PTPRB: variants seen among roughly 807,000 people sequenced by gnomAD.
PTPRB encodes protein tyrosine phosphatase receptor type B.
PTPRB carries 97 observed loss-of-function variants against 238.1 expected under a neutral mutation model. That is an observed-to-expected ratio of 0.41 (90% CI 0.35 to 0.48). PTPRB has a LOEUF of 0.48. Ranked by LOEUF, PTPRB falls within the 20% of genes least tolerant of loss-of-function variation. PTPRB has a pLI of 0.30. For synonymous variants in PTPRB, 970 were observed against 995.4 expected, an observed-to-expected ratio of 0.97 and a Z score of 0.48; for missense variants, 2,292 against 2,681.9, an observed-to-expected ratio of 0.85 and a Z score of 3.21.
At chr12:70,554,418 C>T (rs1191067484) in intron 20 of PTPRB, among the ~76,000 whole-genome samples, 1 of 152,128 alleles carries the variant, frequency 6.6e-6, no homozygotes, top group Admixed American at 6.6e-5. Flanking sequence ...ACCTCAATGG[C>T]GAATACATAT....
At chr12:70,553,433 A>G (rs1181709224) in intron 20 of PTPRB, among the ~76,000 whole-genome samples, 1 of 152,206 alleles carries the variant, frequency 6.6e-6, no homozygotes, top group Non-Finnish European at 1.5e-5. Context: ...TAGGAAAAAG[A>G]TAAGAGAAAT....
intron 2 of PTPRB, among the ~76,000 whole-genome samples, chr12:70,626,296 CATCTATCTATCTATCTATCTATCTATCT>C (rs35084668): frequency 1.1e-5 from 1 of 91,912 alleles, no homozygotes; most frequent in African/African-American, 4.7e-5. Context: ...TCTATCCATC[CATCTATCTATCTATCTATCTATCTATCT>C]ATCTATCTAT....
chr12:70,605,677 T>C (rs1339847280), intron 4 of PTPRB, among the ~76,000 whole-genome samples: 1 of 152,188 alleles, frequency 6.6e-6, no homozygotes, highest in Non-Finnish European at 1.5e-5. Context: ...AGGCACAGTT[T>C]TGCCAAATCT....
Position 70,519,210 on chromosome 12 carries a change from G to A in PTPRB, c.*2279C>T, listed in dbSNP as rs1444445299. The A allele has an allele frequency of 2.0e-5, 3 of 152,108 alleles. No homozygotes were observed. Among genetic ancestry groups the A allele is most frequent in the Admixed American group, 1.3e-4 (2 of 15,268 alleles). 9.4% of individuals were successfully genotyped at this position (152,108 alleles called of 1,614,324 possible). Reference sequence around the variant, plus strand: ...ACTACCCTAGATGTTGCCAGAGTACGTGAGTGTTATTTACTATTACAGATG... The same window carrying A: ...ACTACCCTAGATGTTGCCAGAGTACATGAGTGTTATTTACTATTACAGATG... On this transcript the variant is annotated 3_prime_UTR_variant, in exon 34 of 34. Transcript: ENST00000334414.
intron 15 of PTPRB, among the ~76,000 whole-genome samples, chr12:70,564,442 C>T (rs1358179023): frequency 2.0e-5 from 3 of 151,658 alleles, no homozygotes; most frequent in Non-Finnish European, 4.4e-5. Context: ...TTGCTTGAAC[C>T]CAGGAGGTGG....
chr12:70,635,585 AAAACAAAC>A (rs143061370), intron 2 of PTPRB, 78 bp downstream of exon 2: 97 of 1,432,882 alleles, frequency 6.8e-5, no homozygotes, highest in East Asian at 6.8e-4. Context: ...CCTTAAATGT[AAAACAAAC>A]AAACAAACAA....
At chr12:70,540,331 C>A in intron 23 of PTPRB, 1 of 270,060 alleles carries the variant, frequency 3.7e-6, no homozygotes, top group Admixed American at 4.8e-5. Context: ...AGATGCCAGA[C>A]ACGACTTCAA....
In PTPRB at chr12:70,521,459, T is replaced by C; in HGVS notation, c.*30A>G. The C allele has an allele frequency of 1.3e-6, 2 of 1,518,904 alleles. No individual in the cohort carries two copies. Among genetic ancestry groups the C allele is most frequent in the Non-Finnish European group, 1.8e-6 (2 of 1,131,426 alleles). The allele number at this position is 1,518,904 out of a possible 1,614,324, so 94.1% of individuals were successfully genotyped here. On this transcript the variant is annotated 3_prime_UTR_variant, in exon 34 of 34. Coordinates refer to ENST00000334414, the MANE Select transcript of PTPRB (RefSeq NM_001109754.4). The stretch of plus-strand genomic sequence containing the variant: ...TAAAAACAAATCACACAGTGAATAA[T>C]TTTTATCCAGGAGCTCTTCAGGTAC...
intron 13 of PTPRB, among the ~76,000 whole-genome samples, chr12:70,570,787 A>T (rs1351250480): frequency 1.3e-5 from 2 of 152,018 alleles, no homozygotes; most frequent in Non-Finnish European, 2.9e-5. Flanking sequence ...CCAGCTGATC[A>T]CATCAGTTCA....
chr12:70,609,703 ATTTGG>A (rs1884271340), intron 3 of PTPRB: 20 of 1,478,112 alleles, frequency 1.4e-5, no homozygotes, highest in Non-Finnish European at 1.8e-5. Flanking sequence ...TGGAGTGGGA[ATTTGG>A]TTTTCGGCGG....
At chr12:70,622,808 T>C (rs1177733047) in intron 2 of PTPRB, among the ~76,000 whole-genome samples, 162 bp from the exon 3 acceptor site, 2 of 152,190 alleles carry the variant, frequency 1.3e-5, no homozygotes, top group Non-Finnish European at 2.9e-5. Flanking sequence ...TGTGACAATG[T>C]TCATTTGTCC....
intron 26 of PTPRB, 187 bp from the exon 27 acceptor site, chr12:70,539,201 A>G: frequency 1.7e-6 from 1 of 601,888 alleles, no homozygotes; most frequent in Non-Finnish European, 2.9e-6. Context: ...TGGTCTCACT[A>G]TTTTACAGGT....
At chr12:70,617,610 A>G (rs1418006908) in intron 3 of PTPRB, among the ~76,000 whole-genome samples, 3 of 152,150 alleles carry the variant, frequency 2.0e-5, no homozygotes, top group African/African-American at 2.4e-5. Flanking sequence ...TCTCCCCTGC[A>G]TACTTTAAGT....
chr12:70,560,747 A>G lies in PTPRB; in HGVS notation c.4356T>C (p.Pro1452=). The G allele has an allele frequency of 1.2e-6, 2 of 1,613,962 alleles. No homozygotes were observed. The change falls in exon 17 of 34, where the codon CCT becomes CCC. Residue 1452 remains proline, a synonymous_variant. Coordinates refer to ENST00000334414, the MANE Select transcript of PTPRB (RefSeq NM_001109754.4). This position sits in a 1 kb window ranked among gnomAD's most constrained non-coding sequence, Gnocchi z 4.2. ...CCACCCACAGCACGTACTTCCTTCC[A>G]GGAACAAGGCCTTGAAACCGCCACT... The part of the protein sequence containing the change: ...LTEWRFQGLV[P]GRKYVLWVVT...
chr12:70,571,374 A>C, intron 12 of PTPRB, 85 bp from the exon 13 acceptor site: 1 of 1,312,120 alleles, frequency 7.6e-7, no homozygotes, highest in Non-Finnish European at 1.0e-6. Flanking sequence ...CATTCAAGGA[A>C]CTGGCAACAT....
At chr12:70,559,816 TG>T (rs1379197718) in intron 17 of PTPRB, among the ~76,000 whole-genome samples, 192 bp from the exon 18 acceptor site, 1 of 148,104 alleles carries the variant, frequency 6.8e-6, no homozygotes, top group African/African-American at 2.5e-5. Context: ...GAGCATTTTA[TG>T]TACTTTTTTT....
intron 13 of PTPRB, chr12:70,570,820 C>T: frequency 1.6e-6 from 1 of 635,184 alleles, no homozygotes; most frequent in Non-Finnish European, 2.7e-6. Flanking sequence ...TGAAAGCACC[C>T]TCCAACCCCG....
chr12:70,560,671 C>T lies in PTPRB; in HGVS notation c.4432G>A (p.Ala1478Thr). 1.2e-6 allele frequency: 2 copies of T among 1,613,620 alleles called. No homozygotes were observed. Among genetic ancestry groups the T allele is most frequent in the Non-Finnish European group, 1.7e-6 (2 of 1,179,714 alleles). ...SNKVTAESRTAPSPPSLMSFA... is the reference protein window; with the variant it reads ...SNKVTAESRTTPSPPSLMSFA... ...GGCCATTGGCACCTGGGCTTCTCAC[C>T]TGTTCTGCTCTCCGCTGTGACTTTA... is the stretch of plus-strand genomic sequence containing the variant. Residue 1478 changes from alanine (A) to threonine (T), a missense_variant and splice_region_variant, in exon 17 of 34, where the codon GCT (alanine) becomes ACT (threonine). Around this residue, in one of 4 missense-constraint regions of PTPRB, gnomAD observed 683 missense variants for 862.0 expected, o/e 0.79. Transcript: ENST00000334414. The surrounding 1 kb of genome is among the most constrained non-coding windows in gnomAD (Gnocchi z 4.2).
rs1871508320 is a variant in PTPRB at position 70,520,118 on chromosome 12, G to T, written c.*1371C>A. 4 of 412,226 alleles carry T rather than the reference G, an allele frequency of 9.7e-6. No homozygotes were observed. Among genetic ancestry groups the T allele is most frequent in the South Asian group, 7.1e-5 (4 of 56,262 alleles). The allele number at this position is 412,226 out of a possible 1,614,324, so 25.5% of individuals were successfully genotyped here. On this transcript the variant is annotated 3_prime_UTR_variant, in exon 34 of 34. Coordinates refer to ENST00000334414, the MANE Select transcript of PTPRB (RefSeq NM_001109754.4). Reference sequence around the variant, plus strand: ...AGTTTATTACAGAAAAATTTGTAGTGTGAAAAAGGCAAACATCTCCAGCTC... The same window carrying T: ...AGTTTATTACAGAAAAATTTGTAGTTTGAAAAAGGCAAACATCTCCAGCTC...
Sources: gnomAD v4.1 joint callset for allele counts (sites outside exome capture counted in the v4.1 genomes callset) on GRCh38, gnomAD v4.1.1 for gene constraint, gnomAD v4.1.1 regional missense constraint, Gnocchi (gnomAD v3.1) non-coding constraint, MANE v1.5 for transcripts, NCBI Gene and HGNC (gene_info 2026-07-23, HGNC 2026-07-21) for gene names.